The following MFAP5 variants were observed in gnomAD, a reference collection of about 807,000 sequenced individuals.
MFAP5 encodes the protein microfibrillar-associated protein 5.
In MFAP5, 19 loss-of-function variants were observed where a neutral mutation model predicts 30.1. That is an observed-to-expected ratio of 0.63 (90% CI 0.44 to 0.93). The LOEUF is 0.93. MFAP5 is among the 40% of genes least tolerant of loss of function. MFAP5 has a pLI of 0.00. For missense variants in MFAP5, 210 were observed against 221.3 expected (o/e 0.95, Z 0.32); for synonymous variants, 92 against 72.9 (o/e 1.26, Z -1.33).
rs11359613 is a variant in MFAP5 at position 8,656,059 on chromosome 12, C to CTTTT, written c.95-233_95-230dup. Among the ~76,000 whole-genome samples the CTTTT allele has an allele frequency of 0.029, 3,256 of 113,792 alleles. 155 individuals are homozygous for CTTTT. The highest frequency in any genetic ancestry group is 0.1 in the African/African-American group (3,064 of 30,044). 74.7% of individuals were successfully genotyped at this position (113,792 alleles called of 152,430 possible). The stretch of plus-strand genomic sequence containing the variant: ...CATTGTGATTTTGACATTCATAATT[C>CTTTT]TTTTTTTTTTTTTTTTTTTGAGACG... On this transcript the variant is annotated intron_variant, in intron 3 of 9. Coordinates refer to ENST00000359478, the MANE Select transcript of MFAP5 (RefSeq NM_003480.4).
At position 8,647,104 on chromosome 12, in the gene MFAP5, A is replaced by ATTAACTTTCTGTCTT. The variant is rs763878165; in HGVS notation, c.*986_*987insAAGACAGAAAGTTAA. On this transcript the variant is annotated 3_prime_UTR_variant, in exon 10 of 10. Coordinates refer to ENST00000359478, the MANE Select transcript of MFAP5 (RefSeq NM_003480.4). ...CACTCTTTCGTATTAACTATTAGGC[A>ATTAACTTTCTGTCTT]AACTTTCTGTCTGCCTATTAAAATT... is the stretch of plus-strand genomic sequence containing the variant. 6.6e-6 allele frequency: 1 copy of ATTAACTTTCTGTCTT among 152,192 alleles called. No individual in the cohort carries two copies. Among genetic ancestry groups the ATTAACTTTCTGTCTT allele is most frequent in the African/African-American group, 2.4e-5 (1 of 41,448 alleles). 9.4% of individuals were successfully genotyped at this position (152,192 alleles called of 1,614,324 possible).
chr12:8,656,333 C>T (rs1224970472), intron 3 of MFAP5, among the ~76,000 whole-genome samples: 1 of 151,832 alleles, frequency 6.6e-6, no homozygotes, highest in Non-Finnish European at 1.5e-5. Flanking sequence ...CAGGCGTGAG[C>T]CACCGCGCCC....
At chr12:8,648,473 T>C in intron 9 of MFAP5, 1 of 1,224,318 alleles carries the variant, frequency 8.2e-7, no homozygotes, top group Non-Finnish European at 1.1e-6. Context: ...AATGAAATCA[T>C]GTATGCAAAG....
At position 8,648,172 on chromosome 12, in the gene MFAP5, G is replaced by A. The variant is rs1216524899; in HGVS notation, c.441C>T (p.Pro147=). ...AATTGGAGCGACGGAGTCTCCTAGG[G>A]GGCAGACCAGCCATCTGACGGCAAA... ...DELCRQMAGL[P]PRRLRRSNYF... Residue 147 remains proline, a synonymous_variant, in exon 10 of 10, where the codon CCC becomes CCT. Coordinates refer to ENST00000359478, the MANE Select transcript of MFAP5 (RefSeq NM_003480.4). 1 of 1,613,748 alleles carries A rather than the reference G, an allele frequency of 6.2e-7. No individual in the cohort carries two copies. The highest frequency in any genetic ancestry group is 2.2e-5 in the East Asian group (1 of 44,876).
intron 3 of MFAP5, among the ~76,000 whole-genome samples, chr12:8,659,932 T>C (rs372549596): frequency 1.2e-4 from 19 of 152,172 alleles, no homozygotes; most frequent in East Asian, 5.8e-4. Context: ...ACTGGAGCGC[T>C]CTGTCCTCTA....
Position 8,650,484 on chromosome 12 carries a change from C to T in MFAP5, c.335+18G>A, listed in dbSNP as rs1162445505. The T allele has an allele frequency of 1.9e-6, 3 of 1,608,692 alleles. No homozygotes were observed. The highest frequency in any genetic ancestry group is 2.6e-6 in the Non-Finnish European group (3 of 1,175,326). On this transcript the variant is annotated intron_variant, in intron 8 of 9. Transcript: ENST00000359478. ...ACTACCATGGAAGATGCTTTTTGGG[C>T]ATTCTGGGATCCCTTACCTGGTGAA...
chr12:8,648,364 A>T, intron 9 of MFAP5, 161 bp from the exon 10 acceptor site: 1 of 910,662 alleles, frequency 1.1e-6, no homozygotes, highest in South Asian at 1.8e-5. Context: ...GTTATTTGCC[A>T]CTTCCTAGAA....
intron 9 of MFAP5, among the ~76,000 whole-genome samples, chr12:8,649,125 T>C (rs1941761560): frequency 6.6e-6 from 1 of 152,236 alleles, no homozygotes; most frequent in African/African-American, 2.4e-5. Context: ...GTTTTATTTT[T>C]AGTTATGAAC....
chr12:8,656,573 AAT>A lies in MFAP5; in HGVS notation c.95-745_95-744del, dbSNP rs71957081. Among the ~76,000 whole-genome samples, 1,127 of 128,102 alleles carry A rather than the reference AAT, an allele frequency of 8.8e-3. 18 individuals are homozygous for A. Among genetic ancestry groups the A allele is most frequent in the Middle Eastern group, 0.015 (4 of 262 alleles). The allele number at this position is 128,102 out of a possible 152,430, so 84.0% of individuals were successfully genotyped here. A position where few individuals can be genotyped will look rare whatever the true frequency, so the allele number is the denominator to read the frequency against. Reference sequence around the variant, plus strand: ...CAGGCGCATACCACCATGCCTGGCTAATATATATATATATATATACACACACA... The same window carrying A: ...CAGGCGCATACCACCATGCCTGGCTAATATATATATATATATACACACACA... On this transcript the variant is annotated intron_variant, in intron 3 of 9. Transcript: ENST00000359478.
At position 8,648,310 on chromosome 12, in the gene MFAP5, A is replaced by C. The variant is rs1941740203; in HGVS notation, c.410-107T>G. The C allele has an allele frequency of 4.9e-6, 5 of 1,014,822 alleles. No homozygotes were observed. In the African/African-American group the frequency reaches 8.2e-5, roughly 17 times the overall value. 62.9% of individuals were successfully genotyped at this position (1,014,822 alleles called of 1,614,324 possible). Reference sequence around the variant, plus strand: ...CAGTGTGGTGTAGTGAAAAGGTTGGAGAGAAAAAGATCCGGGTTTTAACCA... The same window carrying C: ...CAGTGTGGTGTAGTGAAAAGGTTGGCGAGAAAAAGATCCGGGTTTTAACCA... On this transcript the variant is annotated intron_variant, in intron 9 of 9. Coordinates refer to ENST00000359478, the MANE Select transcript of MFAP5 (RefSeq NM_003480.4).
intron 9 of MFAP5, among the ~76,000 whole-genome samples, 161 bp downstream of exon 9, chr12:8,649,340 A>G (rs1324753286): frequency 6.6e-6 from 1 of 152,192 alleles, no homozygotes; most frequent in African/African-American, 2.4e-5. Context: ...TGCTTTATGT[A>G]GATTGTTTAT....
intron 3 of MFAP5, among the ~76,000 whole-genome samples, chr12:8,660,650 A>G (rs1942121572): frequency 6.6e-6 from 1 of 152,148 alleles, no homozygotes; most frequent in African/African-American, 2.4e-5. Context: ...CACACACACA[A>G]GAAGCTTTTA....
intron 9 of MFAP5, chr12:8,648,621 G>A (rs767491760): frequency 5.3e-6 from 5 of 943,860 alleles, no homozygotes; most frequent in Non-Finnish European, 7.3e-6. Context: ...TGGGCAAACA[G>A]CTAACTTTAG....
At chr12:8,659,929 C>T (rs947710756) in intron 3 of MFAP5, among the ~76,000 whole-genome samples, 5 of 152,090 alleles carry the variant, frequency 3.3e-5, no homozygotes, top group African/African-American at 4.8e-5. Context: ...CCTACTGGAG[C>T]GCTCTGTCCT....
intron 3 of MFAP5, among the ~76,000 whole-genome samples, chr12:8,657,538 G>T (rs1002915666): frequency 6.6e-6 from 1 of 150,940 alleles, no homozygotes; most frequent in African/African-American, 2.4e-5. Context: ...CCCACTAGGG[G>T]TCAGCAAATT....
In MFAP5 at chr12:8,649,542, A is replaced by G. The variant is rs755761395; in HGVS notation, c.368T>C (p.Ile123Thr). 1.2e-6 allele frequency: 2 copies of G among 1,614,122 alleles called. No homozygotes were observed. The highest frequency in any genetic ancestry group is 4.5e-5 in the East Asian group (2 of 44,882). ...TTCCTTACAGACAAGACGAGAGCAGATCTCCTTGTTGACGATGTACATACG... is the reference window on the plus strand; with the variant it reads ...TTCCTTACAGACAAGACGAGAGCAGGTCTCCTTGTTGACGATGTACATACG... ...LRRMYIVNKE[I>T]CSRLVCKEHE... Residue 123 changes from isoleucine to threonine, a missense_variant, in exon 9 of 10, where the codon ATC becomes ACC. Physicochemically the swap from Ile to Thr is moderately conservative, Grantham distance 89 (BLOSUM62 -1). Coordinates refer to ENST00000359478, the MANE Select transcript of MFAP5 (RefSeq NM_003480.4).
At chr12:8,654,802 A>G (rs1941938039) in intron 5 of MFAP5, among the ~76,000 whole-genome samples, 1 of 151,646 alleles carries the variant, frequency 6.6e-6, no homozygotes, top group Non-Finnish European at 1.5e-5. Flanking sequence ...GGAAATTAGC[A>G]TGGTGGCAGG....
chr12:8,650,378 G>T, intron 8 of MFAP5, 124 bp downstream of exon 8: 1 of 798,100 alleles, frequency 1.3e-6, no homozygotes, highest in Non-Finnish European at 2.1e-6. Flanking sequence ...ATAACTAGGA[G>T]GGTTGTGCTA....
At chr12:8,656,625 T>TACACACACACACACACACAC (rs1223209541) in intron 3 of MFAP5, among the ~76,000 whole-genome samples, 43 of 121,236 alleles carry the variant, frequency 3.5e-4, no homozygotes, top group African/African-American at 1.5e-3. Context: ...TATACACACA[T>TACACACACACACACACACAC]ACACACACAC....
Sources: gnomAD v4.1 joint callset for allele counts (sites outside exome capture counted in the v4.1 genomes callset) on GRCh38, gnomAD v4.1.1 for gene constraint, MANE v1.5 for transcripts, NCBI Gene and HGNC (gene_info 2026-07-23, HGNC 2026-07-21) for gene names.